The following PBXIP1 variants were observed in gnomAD, a reference collection of about 807,000 sequenced individuals.
PBXIP1 encodes PBX homeobox interacting protein 1.
A neutral mutation model predicts 73.7 loss-of-function variants in PBXIP1; 73 were observed. That is an observed-to-expected ratio of 0.99 (90% CI 0.82 to 1.20). The LOEUF is 1.20. Ranked by LOEUF, PBXIP1 falls within the 50% of genes most tolerant of loss-of-function variation. The pLI is 0.00. For missense variants in PBXIP1, 818 were observed against 911.4 expected (o/e 0.90, Z 1.32); for synonymous variants, 330 against 366.9 (o/e 0.90, Z 1.15).
intron 7 of PBXIP1, 128 bp from the exon 8 acceptor site, chr1:154,947,840 A>G: frequency 7.3e-7 from 1 of 1,371,510 alleles, no homozygotes. Context: ...TTGGTGAGAT[A>G]AAGGGCCAAG....
intron 7 of PBXIP1, 40 bp from the exon 8 acceptor site, chr1:154,947,752 A>T (rs1175466431): frequency 1.3e-6 from 2 of 1,587,970 alleles, no homozygotes; most frequent in East Asian, 4.5e-5. Context: ...CCTGAGGCAC[A>T]CAGAGCCCAT....
chr1:154,946,179 G>A lies in PBXIP1; in HGVS notation c.1495C>T (p.Arg499Trp), dbSNP rs146377687. The A allele has an allele frequency of 1.0e-4, 169 of 1,613,950 alleles. No homozygotes were observed. In the South Asian group the frequency reaches 1.5e-3, roughly 15 times the overall value. The change falls in exon 10 of 11, where the codon CGG becomes TGG. Residue 499 changes from arginine (R) to tryptophan (W), a missense_variant. Transcript: ENST00000368463. ...HWKHKKEESG[R>W]ERKKNWGGQE... ...CCTCCCCAGTTCTTCTTCCTTTCCC[G>A]GCCAGATTCTTCCTTCTTATGTTTC...
Position 154,951,655 on chromosome 1 carries a change from A to G in PBXIP1, c.179-120T>C. ...AGAGGCAGGAAAAAGCCAGGATGGA[A>G]TGAGAAAAGGAGTTTGTCAACTGAG... is the stretch of plus-strand genomic sequence containing the variant. On this transcript the variant is annotated intron_variant, in intron 3 of 10. Coordinates refer to ENST00000368463, the MANE Select transcript of PBXIP1 (RefSeq NM_020524.4). The surrounding 1 kb of genome is among the most constrained non-coding windows in gnomAD (Gnocchi z 4.3). 7.1e-7 allele frequency: 1 copy of G among 1,405,952 alleles called. No individual in the cohort carries two copies. The allele number at this position is 1,405,952 out of a possible 1,614,324, so 87.1% of individuals were successfully genotyped here. A position where few individuals can be genotyped will look rare whatever the true frequency, so the allele number is the denominator to read the frequency against.
intron 7 of PBXIP1, 125 bp from the exon 8 acceptor site, chr1:154,947,837 G>T: frequency 7.3e-7 from 1 of 1,365,428 alleles, no homozygotes. Flanking sequence ...GGTTTGGTGA[G>T]ATAAAGGGCC....
In PBXIP1 at chr1:154,951,239, G is replaced by C. The variant is rs372906141; in HGVS notation, c.402C>G (p.Pro134=). Residue 134 remains proline (P), a synonymous_variant, in exon 5 of 11, where the codon CCC becomes CCG. Coordinates refer to ENST00000368463, the MANE Select transcript of PBXIP1 (RefSeq NM_020524.4). The surrounding 1 kb of genome is among the most constrained non-coding windows in gnomAD (Gnocchi z 4.3). ...QSPPQSLPST[P]KAAWIREEGR... is the part of the protein sequence containing the mutation. The stretch of plus-strand genomic sequence containing the variant: ...GGCAAGGAAGACTCTCACCTGCTTT[G>C]GGGGTTGAAGGCAGGCTCTGTGGAG... 1.9e-6 allele frequency: 3 copies of C among 1,613,678 alleles called. No homozygotes were observed. The highest frequency in any genetic ancestry group is 1.7e-6 in the Non-Finnish European group (2 of 1,179,812).
At position 154,946,116 on chromosome 1, in the gene PBXIP1, C is replaced by T; in HGVS notation, c.1558G>A (p.Gly520Ser). 6.2e-7 allele frequency: 1 copy of T among 1,614,140 alleles called. No homozygotes were observed. Among genetic ancestry groups the T allele is most frequent in the Non-Finnish European group, 8.5e-7 (1 of 1,180,004 alleles). Residue 520 changes from glycine to serine, a missense_variant, in exon 10 of 11, where the codon GGC (glycine) becomes AGC (serine). Transcript: ENST00000368463. ...CCCGACTCCTCCACCCTTGGCCTGCCCTCCTTCCACCTTCCTGCTGGCTCC... is the reference window on the plus strand; with the variant it reads ...CCCGACTCCTCCACCCTTGGCCTGCTCTCCTTCCACCTTCCTGCTGGCTCC... ...DREPAGRWKE[G>S]RPRVEESGSK...
Position 154,951,664 on chromosome 1 carries a change from G to A in PBXIP1, c.179-129C>T, listed in dbSNP as rs892756823. The A allele has an allele frequency of 1.8e-5, 26 of 1,412,818 alleles. No homozygotes were observed. In the African/African-American group the frequency reaches 3.4e-4, roughly 19 times the overall value. 87.5% of individuals were successfully genotyped at this position (1,412,818 alleles called of 1,614,324 possible). ...AAAAAGCCAGGATGGAATGAGAAAA[G>A]GAGTTTGTCAACTGAGATTAATGGA... is the stretch of plus-strand genomic sequence containing the variant. On this transcript the variant is annotated intron_variant, in intron 3 of 10. Coordinates refer to ENST00000368463, the MANE Select transcript of PBXIP1 (RefSeq NM_020524.4). The surrounding 1 kb of genome is among the most constrained non-coding windows in gnomAD (Gnocchi z 4.3).
chr1:154,944,240 A>C lies in PBXIP1; in HGVS notation c.*784T>G, dbSNP rs1327463965. 6.6e-6 allele frequency: 1 copy of C among 152,236 alleles called. No homozygotes were observed. Among genetic ancestry groups the C allele is most frequent in the Non-Finnish European group, 1.5e-5 (1 of 68,036 alleles). The allele number at this position is 152,236 out of a possible 1,614,324, so 9.4% of individuals were successfully genotyped here. A position where few individuals can be genotyped will look rare whatever the true frequency, so the allele number is the denominator to read the frequency against. On this transcript the variant is annotated 3_prime_UTR_variant, in exon 11 of 11. Transcript: ENST00000368463. ...CCAAAACCCACACTCAATTTGCTACATCTCCCAGGGGTGGGGCCAAGGCAG... is the reference window on the plus strand; with the variant it reads ...CCAAAACCCACACTCAATTTGCTACCTCTCCCAGGGGTGGGGCCAAGGCAG...
chr1:154,949,804 G>A (rs1202149977), intron 5 of PBXIP1, among the ~76,000 whole-genome samples: 1 of 151,768 alleles, frequency 6.6e-6, no homozygotes. Flanking sequence ...AAGACGCCCT[G>A]ACTATAGTGG....
intron 5 of PBXIP1, chr1:154,950,433 A>G (rs1430266430): frequency 1.3e-5 from 2 of 152,302 alleles, no homozygotes; most frequent in Non-Finnish European, 2.9e-5. Flanking sequence ...GGCTCAAGCA[A>G]TCCTCCTACC....
intron 9 of PBXIP1, 39 bp from the exon 10 acceptor site, chr1:154,946,842 T>G: frequency 8.6e-6 from 13 of 1,505,618 alleles, no homozygotes; most frequent in Non-Finnish European, 1.2e-5. Context: ...CACAAAGAGT[T>G]CTTGTCAGGA....
intron 2 of PBXIP1, among the ~76,000 whole-genome samples, chr1:154,952,966 A>G (rs1170273325): frequency 1.3e-5 from 2 of 152,158 alleles, no homozygotes; most frequent in Non-Finnish European, 2.9e-5. Context: ...TAATATACAA[A>G]GTCGCTACGT....
intron 9 of PBXIP1, 95 bp downstream of exon 9, chr1:154,947,322 G>A: frequency 2.8e-6 from 4 of 1,430,644 alleles, no homozygotes; most frequent in Non-Finnish European, 3.9e-6. Context: ...AGGATGTGTG[G>A]GTAAATAGGA....
At chr1:154,952,230 G>A (rs1241000868) in intron 2 of PBXIP1, among the ~76,000 whole-genome samples, 1 of 152,126 alleles carries the variant, frequency 6.6e-6, no homozygotes, top group African/African-American at 2.4e-5. Flanking sequence ...CCCCACAGAT[G>A]AACAACCCAG....
intron 8 of PBXIP1, 31 bp from the exon 9 acceptor site, chr1:154,947,579 T>G: frequency 6.2e-7 from 1 of 1,605,198 alleles, no homozygotes. Context: ...TATGCCATGC[T>G]ACCCCACAGC....
chr1:154,946,336 C>G lies in PBXIP1; in HGVS notation c.1338G>C (p.Trp446Cys), dbSNP rs1654818150. The change falls in exon 10 of 11, where the codon TGG (tryptophan) becomes TGC (cysteine). Residue 446 changes from tryptophan (W) to cysteine (C), a missense_variant. Trp to Cys is a radical substitution (Grantham distance 215). Transcript: ENST00000368463. ...TGGCAGAGACCCCAGGGTCCTGGCC[C>G]CAGTTCTCCAGGCCCTGCAGTTTCT... is the stretch of plus-strand genomic sequence containing the variant. ...LAQKLQGLEN[W>C]GQDPGVSANA... 6.2e-7 allele frequency: 1 copy of G among 1,614,100 alleles called. No individual in the cohort carries two copies. The highest frequency in any genetic ancestry group is 1.1e-5 in the South Asian group (1 of 91,084).
At position 154,945,952 on chromosome 1, in the gene PBXIP1, C is replaced by T. The variant is rs1571394482; in HGVS notation, c.1722G>A (p.Trp574Ter). 2 of 1,614,124 alleles carry T rather than the reference C, an allele frequency of 1.2e-6. No individual in the cohort carries two copies. Among genetic ancestry groups the T allele is most frequent in the Middle Eastern group, 1.6e-4 (1 of 6,062 alleles). ...TKDSHDPLPS[W>*]AELLRPKYRA... ...GGTACTTGGGCCTCAACAGCTCTGC[C>T]CAGGATGGCAGGGGGTCATGGCTGT... The change falls in exon 10 of 11, where the codon TGG (tryptophan) becomes TGA (stop). Residue 574 changes from tryptophan (W) to a stop codon, truncating the protein, a stop_gained. Coordinates refer to ENST00000368463, the MANE Select transcript of PBXIP1 (RefSeq NM_020524.4). LOFTEE classifies it high-confidence loss of function.
In PBXIP1 at chr1:154,946,255, A is replaced by G. The variant is rs770976660; in HGVS notation, c.1419T>C (p.Ser473=). Residue 473 remains serine (S), a synonymous_variant, in exon 10 of 11, where the codon AGT becomes AGC. Coordinates refer to ENST00000368463, the MANE Select transcript of PBXIP1 (RefSeq NM_020524.4). ...GCCCATCCCACCACTTTTCCTTTCC[A>G]CTCCACTCCCTAGAATTCTGGAAGT... ...KSHFQNSREW[S]GKEKWWDGQR... 4.3e-6 allele frequency: 7 copies of G among 1,611,110 alleles called. No homozygotes were observed. The highest frequency in any genetic ancestry group is 5.9e-6 in the Non-Finnish European group (7 of 1,179,270).
chr1:154,948,505 C>T, intron 5 of PBXIP1, 139 bp from the exon 6 acceptor site: 1 of 614,902 alleles, frequency 1.6e-6, no homozygotes, highest in East Asian at 2.8e-5. Context: ...AGACCTTGCC[C>T]ACTTGCCCAC....
Sources: gnomAD v4.1 joint callset for allele counts (sites outside exome capture counted in the v4.1 genomes callset) on GRCh38, gnomAD v4.1.1 for gene constraint, Gnocchi (gnomAD v3.1) non-coding constraint, MANE v1.5 for transcripts, NCBI Gene and HGNC (gene_info 2026-07-23, HGNC 2026-07-21) for gene names.